Variants in NBPF15 observed in about 807,000 individuals in gnomAD.
The protein encoded by NBPF15 is NBPF family member NBPF15.
A neutral mutation model predicts 62.2 loss-of-function variants in NBPF15; 74 were observed. The ratio of observed to expected loss-of-function variants is 1.19; its 90% CI spans 0.99 to 1.44. NBPF15 has a LOEUF of 1.44. Among genes scored for constraint, NBPF15 ranks in the 40% most tolerant of loss-of-function variants. NBPF15 has a pLI of 0.00. For synonymous variants in NBPF15, 244 were observed against 209.7 expected (o/e 1.16, Z -1.41); for missense variants, 790 against 550.0 (o/e 1.44, Z -4.36).
At chr1:144,442,219 ATAT>A (rs1683876476) in intron 6 of NBPF15, among the ~76,000 whole-genome samples, 1 of 105,610 alleles carries the variant, frequency 9.5e-6, no homozygotes. Context: ...AATATATATA[ATAT>A]ATATATTAAT....
In NBPF15 at chr1:144,422,755, G is replaced by C. The variant is rs1571098691; in HGVS notation, c.*258C>G. On this transcript the variant is annotated 3_prime_UTR_variant, in exon 22 of 22. Coordinates refer to ENST00000581897, the MANE Select transcript of NBPF15 (RefSeq NM_001385408.1). Reference sequence around the variant, plus strand: ...TTTTGTAGCTACCCAGAGATACGTGGTTCAAATTAAAATGTCTGACTGATC... The same window carrying C: ...TTTTGTAGCTACCCAGAGATACGTGCTTCAAATTAAAATGTCTGACTGATC... 1.7e-5 allele frequency: 14 copies of C among 810,690 alleles called. No homozygotes were observed. In the East Asian group the frequency reaches 3.0e-4, roughly 17 times the overall value. The allele number at this position is 810,690 out of a possible 1,614,324, so 50.2% of individuals were successfully genotyped here.
intron 6 of NBPF15, chr1:144,443,069 A>T (rs1418374844): frequency 6.1e-6 from 1 of 163,684 alleles, no homozygotes; most frequent in Non-Finnish European, 1.4e-5. Context: ...CTTCACATAC[A>T]CACACCATTT....
Position 144,439,913 on chromosome 1 carries a change from T to C in NBPF15, c.91A>G (p.Lys31Glu). ...NEKLRPQLAE[K>E]KQQFRNLKEK... ...TTGAGGTTTCTGAACTGCTGTTTCT[T>C]CTCTGCCAACTGGGGGCGCAATTTC... Residue 31 changes from lysine to glutamate, a missense_variant, in exon 8 of 22, where the codon AAG becomes GAG. Transcript: ENST00000581897. 1 of 1,611,626 alleles carries C rather than the reference T, an allele frequency of 6.2e-7. No homozygotes were observed.
intron 16 of NBPF15, 114 bp downstream of exon 16, chr1:144,427,704 G>T (rs1375809583): frequency 6.5e-6 from 4 of 617,304 alleles, no homozygotes; most frequent in Middle Eastern, 4.4e-4. Context: ...GTGCCTATAG[G>T]TCCTCCCTGT....
chr1:144,447,944 G>T (rs587760566), intron 6 of NBPF15, among the ~76,000 whole-genome samples: 23 of 152,134 alleles, frequency 1.5e-4, no homozygotes, highest in African/African-American at 5.1e-4. Flanking sequence ...ACCACAGACC[G>T]CACGGCTCCA....
At chr1:144,457,675 T>C (rs1553547389) in intron 3 of NBPF15, among the ~76,000 whole-genome samples, 1 of 152,000 alleles carries the variant, frequency 6.6e-6, no homozygotes, top group Admixed American at 6.6e-5. Context: ...GGAGCTTATG[T>C]TGAAAATGAG....
At chr1:144,445,558 T>TA in intron 6 of NBPF15, among the ~76,000 whole-genome samples, 1 of 149,918 alleles carries the variant, frequency 6.7e-6, no homozygotes, top group Non-Finnish European at 1.5e-5. Flanking sequence ...AGGTAGTGAA[T>TA]TCATTCGCCA....
intron 6 of NBPF15, among the ~76,000 whole-genome samples, chr1:144,444,111 A>G (rs1685497437): frequency 6.6e-6 from 1 of 151,802 alleles, no homozygotes; most frequent in Admixed American, 6.6e-5. Context: ...GTATGTTTGT[A>G]CTTTCACTTG....
intron 5 of NBPF15, among the ~76,000 whole-genome samples, chr1:144,450,453 C>A (rs781818558): frequency 1.3e-5 from 2 of 151,926 alleles, no homozygotes; most frequent in Non-Finnish European, 2.9e-5. Context: ...CCCCCACAAA[C>A]AAGAATAGGA....
At position 144,457,371 on chromosome 1, in the gene NBPF15, C is replaced by T. The variant is rs1245165431; in HGVS notation, c.-700-566G>A. On this transcript the variant is annotated intron_variant, in intron 3 of 21. Coordinates refer to ENST00000581897, the MANE Select transcript of NBPF15 (RefSeq NM_001385408.1). The stretch of plus-strand genomic sequence containing the variant: ...TCTACAGGCTGTCTCGCTGAGCTTT[C>T]GCTAGGTTATGCTACAGTAACAAAA... 4.6e-5 allele frequency among the ~76,000 whole-genome samples: 7 copies of T among 151,856 alleles called. 1 individual carries two copies. The highest frequency in any genetic ancestry group is 2.1e-4 in the South Asian group (1 of 4,814).
intron 5 of NBPF15, among the ~76,000 whole-genome samples, chr1:144,450,331 A>G (rs1406114217): frequency 2.0e-5 from 3 of 149,396 alleles, no homozygotes; most frequent in Non-Finnish European, 4.5e-5. Context: ...GAAGGACTCC[A>G]TGAGTTGTTA....
chr1:144,428,461 T>C, intron 15 of NBPF15, 145 bp downstream of exon 15: 1 of 891,952 alleles, frequency 1.1e-6, no homozygotes, highest in Non-Finnish European at 1.9e-6. Flanking sequence ...TTTACTCTAA[T>C]GAGAACCAAA....
intron 6 of NBPF15, among the ~76,000 whole-genome samples, chr1:144,445,270 GTATATATATATA>G (rs59434439): frequency 9.5e-6 from 1 of 105,014 alleles, no homozygotes; most frequent in Non-Finnish European, 1.9e-5. Context: ...GTCTGTATAT[GTATATATATATA>G]TATATATATA....
intron 8 of NBPF15, among the ~76,000 whole-genome samples, chr1:144,438,617 A>G (rs1369058479): frequency 3.5e-4 from 53 of 152,188 alleles, no homozygotes; most frequent in African/African-American, 1.3e-3. Flanking sequence ...AAATGCTAAT[A>G]AAGTTTGTGT....
chr1:144,434,770 T>C (rs1676968795), intron 12 of NBPF15, among the ~76,000 whole-genome samples: 1 of 151,872 alleles, frequency 6.6e-6, no homozygotes, highest in Non-Finnish European at 1.5e-5. Context: ...TAAACAGGCA[T>C]AGAAACTCCA....
At chr1:144,451,153 C>T (rs1690847301) in intron 4 of NBPF15, among the ~76,000 whole-genome samples, 2 of 151,580 alleles carry the variant, frequency 1.3e-5, no homozygotes, top group African/African-American at 4.9e-5. Flanking sequence ...AGCAGGTAAA[C>T]ACGTGAACAA....
chr1:144,440,831 CT>C (rs782106062), intron 6 of NBPF15, among the ~76,000 whole-genome samples: 90 of 143,206 alleles, frequency 6.3e-4, no homozygotes, highest in Middle Eastern at 7.2e-3. Context: ...TTTTCTTTTT[CT>C]TTTTTTTTTT....
chr1:144,431,255 C>T (rs1571119018), intron 13 of NBPF15, among the ~76,000 whole-genome samples: 3 of 150,292 alleles, frequency 2.0e-5, no homozygotes, highest in Non-Finnish European at 4.4e-5. Flanking sequence ...GAAGAGCAAC[C>T]CCAAAACACT....
intron 21 of NBPF15, among the ~76,000 whole-genome samples, 174 bp from the exon 22 acceptor site, chr1:144,423,430 T>C (rs1553538658): frequency 6.7e-6 from 1 of 150,146 alleles, no homozygotes. Context: ...CAGGGCCAGG[T>C]AGAAAACAAT....
Sources: gnomAD v4.1 joint callset for allele counts (sites outside exome capture counted in the v4.1 genomes callset) on GRCh38, gnomAD v4.1.1 for gene constraint, MANE v1.5 for transcripts, NCBI Gene and HGNC (gene_info 2026-07-23, HGNC 2026-07-21) for gene names.